OSBP2: variants seen among roughly 807,000 people sequenced by gnomAD.
OSBP2 encodes oxysterol-binding protein 2.
A neutral mutation model predicts 96.0 loss-of-function variants in OSBP2; 66 were observed. That is an observed-to-expected ratio of 0.69 (90% CI 0.56 to 0.84). OSBP2 has a LOEUF of 0.84. Ranked by LOEUF, OSBP2 falls within the 40% of genes least tolerant of loss-of-function variation. The probability of loss-of-function intolerance (pLI) is 0.00; values close to 1 mark genes in which losing one functional copy is unlikely to be tolerated. For synonymous variants in OSBP2, 525 were observed against 520.9 expected (o/e 1.01, Z -0.11); for missense variants, 1,038 against 1,222.7 (o/e 0.85, Z 2.25).
chr22:30,749,204 A>G (rs2090043439), intron 2 of OSBP2, among the ~76,000 whole-genome samples: 1 of 152,114 alleles, frequency 6.6e-6, no homozygotes, highest in Non-Finnish European at 1.5e-5. Context: ...TTACTTTCCT[A>G]TTGTTGCTAA....
chr22:30,747,406 A>G (rs1484470599), intron 2 of OSBP2, among the ~76,000 whole-genome samples: 2 of 152,166 alleles, frequency 1.3e-5, no homozygotes, highest in East Asian at 1.9e-4. Flanking sequence ...GCTTGAGCCC[A>G]TAAGTTTGAG....
At chr22:30,784,018 G>A (rs1416337776) in intron 2 of OSBP2, among the ~76,000 whole-genome samples, 2 of 152,182 alleles carry the variant, frequency 1.3e-5, no homozygotes, top group African/African-American at 4.8e-5. Flanking sequence ...AAGCAGGGAT[G>A]GCATCTTTAC....
chr22:30,799,647 A>G (rs1279622845), intron 2 of OSBP2, among the ~76,000 whole-genome samples: 2 of 152,350 alleles, frequency 1.3e-5, no homozygotes, highest in East Asian at 3.9e-4. Flanking sequence ...TGCTCCTAGA[A>G]GAGTGTTATC....
rs550185571 is a variant in OSBP2 at position 30,897,846 on chromosome 22, A to C, written c.2375+3845A>C. 4.6e-5 allele frequency among the ~76,000 whole-genome samples: 7 copies of C among 151,408 alleles called. No individual in the cohort carries two copies. In the East Asian group the frequency reaches 1.4e-3, roughly 30 times the overall value. ...GCACTTGTAATCCCAGCTACTTGGG[A>C]GGCTGAGGTAAGAGAATCGCTTGAA... On this transcript the variant is annotated intron_variant, in intron 12 of 13. Coordinates refer to ENST00000332585, the MANE Select transcript of OSBP2 (RefSeq NM_030758.4).
intron 3 of OSBP2, among the ~76,000 whole-genome samples, chr22:30,880,430 T>G (rs2039677725): frequency 6.6e-6 from 1 of 152,184 alleles, no homozygotes; most frequent in Admixed American, 6.5e-5. Context: ...GGACCTCCTG[T>G]GTGTGCTAAT....
chr22:30,754,351 T>C lies in OSBP2; in HGVS notation c.853+12982T>C, dbSNP rs116682891. ...AATGGTTCTTATGCACTAAAGTGCA[T>C]GCATATGTCCCTCAGCAGGCTTTGA... On this transcript the variant is annotated intron_variant, in intron 2 of 13. Transcript: ENST00000332585. 4.8e-3 allele frequency among the ~76,000 whole-genome samples: 731 copies of C among 152,330 alleles called. 5 individuals carry two copies. The highest frequency in any genetic ancestry group is 0.016 in the African/African-American group (677 of 41,578).
Position 30,906,350 on chromosome 22 carries a change from T to C in OSBP2, c.*11T>C, listed in dbSNP as rs1035189685. ...CCCAACATCTTCTGAGCGCCACCCT[T>C]GCAACAAATACAGGCGCCTGCACAG... On this transcript the variant is annotated 3_prime_UTR_variant, in exon 14 of 14. Transcript: ENST00000332585. 1 of 1,593,038 alleles carries C rather than the reference T, an allele frequency of 6.3e-7. No individual in the cohort carries two copies. Among genetic ancestry groups the C allele is most frequent in the Non-Finnish European group, 8.6e-7 (1 of 1,168,570 alleles).
At chr22:30,730,774 C>CTCTCTATATATATATA (rs1569100458) in intron 1 of OSBP2, among the ~76,000 whole-genome samples, 3 of 13,836 alleles carry the variant, frequency 2.2e-4, no homozygotes, top group Non-Finnish European at 4.1e-4. Context: ...CTCTCTCTCT[C>CTCTCTATATATATATA]TATATATATA....
At position 30,816,923 on chromosome 22, in the gene OSBP2, TG is replaced by T. The variant is rs778157297; in HGVS notation, c.854-53502del. On this transcript the variant is annotated intron_variant, in intron 2 of 13. Transcript: ENST00000332585. The stretch of plus-strand genomic sequence containing the variant: ...CTAATTTTTGTATTTTTAGCAGAGA[TG>T]GGGTTTTACCATGTTGGTCAGGTTG... Among the ~76,000 whole-genome samples, 15 of 152,156 alleles carry T rather than the reference TG, an allele frequency of 9.9e-5. No individual in the cohort carries two copies. In the East Asian group the frequency reaches 1.7e-3, roughly 18 times the overall value.
chr22:30,717,090 T>TGTGTGTGTGTGTGTG (rs1555907469), intron 1 of OSBP2, among the ~76,000 whole-genome samples: 4 of 118,320 alleles, frequency 3.4e-5, no homozygotes, highest in African/African-American at 1.3e-4. Flanking sequence ...TTTACTGTTT[T>TGTGTGTGTGTGTGTG]TGTGTGTGTG....
intron 12 of OSBP2, chr22:30,902,483 GA>G: frequency 1.3e-6 from 2 of 1,580,692 alleles, no homozygotes; most frequent in Non-Finnish European, 1.7e-6. Context: ...TTTGGATTCA[GA>G]AAAGGTGTAC....
chr22:30,703,205 G>A (rs757230217), intron 1 of OSBP2, among the ~76,000 whole-genome samples: 1 of 151,556 alleles, frequency 6.6e-6, no homozygotes, highest in Middle Eastern at 3.4e-3. Context: ...ATGGAGTCTC[G>A]CTGTGTTGCC....
At chr22:30,880,126 C>T (rs2039670180) in intron 3 of OSBP2, among the ~76,000 whole-genome samples, 2 of 152,164 alleles carry the variant, frequency 1.3e-5, no homozygotes, top group Admixed American at 1.3e-4. Flanking sequence ...CCAGTGAGTC[C>T]CCTGGCCATG....
chr22:30,878,945 G>A (rs552570203), intron 3 of OSBP2, among the ~76,000 whole-genome samples: 1 of 152,338 alleles, frequency 6.6e-6, no homozygotes, highest in East Asian at 1.9e-4. Flanking sequence ...GGGGGCACCA[G>A]ATAGAGTGGG....
At chr22:30,804,361 A>G (rs1252642086) in intron 2 of OSBP2, among the ~76,000 whole-genome samples, 1 of 152,152 alleles carries the variant, frequency 6.6e-6, no homozygotes, top group East Asian at 1.9e-4. Context: ...GAGGACTGAG[A>G]TCTGTGTTTT....
chr22:30,730,810 T>TATATATAA lies in OSBP2; in HGVS notation c.645-10351_645-10350insATATATAA. Among the ~76,000 whole-genome samples the TATATATAA allele has an allele frequency of 3.7e-5, 2 of 54,782 alleles. 1 individual carries two copies. Among genetic ancestry groups the TATATATAA allele is most frequent in the Non-Finnish European group, 6.8e-5 (2 of 29,380 alleles). 35.9% of individuals were successfully genotyped at this position (54,782 alleles called of 152,430 possible). On this transcript the variant is annotated intron_variant, in intron 1 of 13. Coordinates refer to ENST00000332585, the MANE Select transcript of OSBP2 (RefSeq NM_030758.4). ...TATATATATATATATATATATATAA[T>TATATATAA]TTTTTTTTTTTTTCCCATGGACATT...
At chr22:30,694,281 G>T, upstream of OSBP2, 1 of 1,549,796 alleles carries the variant, frequency 6.5e-7, no homozygotes, top group Non-Finnish European at 8.7e-7. Flanking sequence ...TCAGGAGGTG[G>T]AGGCGGTGAG....
chr22:30,905,231 G>A (rs2040304908), intron 12 of OSBP2, among the ~76,000 whole-genome samples: 1 of 137,906 alleles, frequency 7.3e-6, no homozygotes, highest in Admixed American at 7.7e-5. Flanking sequence ...CCACAACCTC[G>A]GCCTCCTGGG....
At chr22:30,738,888 C>T (rs1355017665) in intron 1 of OSBP2, among the ~76,000 whole-genome samples, 1 of 152,132 alleles carries the variant, frequency 6.6e-6, no homozygotes, top group Non-Finnish European at 1.5e-5. Flanking sequence ...AGTGTCGAGT[C>T]ATTTGACTTT....
Sources: gnomAD v4.1 joint callset for allele counts (sites outside exome capture counted in the v4.1 genomes callset) on GRCh38, gnomAD v4.1.1 for gene constraint, MANE v1.5 for transcripts, NCBI Gene and HGNC (gene_info 2026-07-23, HGNC 2026-07-21) for gene names.